AUTS2: variants seen among roughly 807,000 people sequenced by gnomAD.
AUTS2 encodes the protein activator of transcription and developmental regulator AUTS2.
A neutral mutation model predicts 112.4 loss-of-function variants in AUTS2; 17 were observed. The observed-to-expected ratio is 0.15, with a 90% CI of 0.10 to 0.23. AUTS2 has a LOEUF of 0.23. AUTS2 is among the 10% of genes least tolerant of loss of function. AUTS2 has a pLI of 1.00. For missense variants in AUTS2, 1,510 were observed against 1,701.6 expected (o/e 0.89, Z 1.98); for synonymous variants, 751 against 702.7 (o/e 1.07, Z -1.09).
chr7:69,766,806 C>T (rs1788441005), intron 1 of AUTS2, among the ~76,000 whole-genome samples: 1 of 152,238 alleles, frequency 6.6e-6, no homozygotes, highest in East Asian at 1.9e-4. Flanking sequence ...AAATGCTCAT[C>T]AGCTGGTGCC....
rs113675997 is a variant in AUTS2 at position 69,627,104 on chromosome 7, A to G, written c.309+27142A>G. On this transcript the variant is annotated intron_variant, in intron 1 of 18. Coordinates refer to ENST00000342771, the MANE Select transcript of AUTS2 (RefSeq NM_015570.4). ...TTCATTCGTCACTTTCTTGAGCACC[A>G]ACATTATGTTTAGAAGGAATGGGTT... is the stretch of plus-strand genomic sequence containing the variant. Among the ~76,000 whole-genome samples the G allele has an allele frequency of 4.0e-4, 61 of 152,342 alleles. 3 individuals carry two copies. Among genetic ancestry groups the G allele is most frequent in the African/African-American group, 1.4e-3 (57 of 41,578 alleles).
intron 5 of AUTS2, among the ~76,000 whole-genome samples, chr7:70,697,946 T>G (rs1809218193): frequency 1.3e-5 from 2 of 152,174 alleles, no homozygotes; most frequent in Middle Eastern, 3.2e-3. Flanking sequence ...TTAGCAGACA[T>G]GTTCTCTAGA....
intron 4 of AUTS2, among the ~76,000 whole-genome samples, chr7:70,163,350 G>A (rs896808358): frequency 1.9e-5 from 2 of 103,742 alleles, no homozygotes; most frequent in East Asian, 2.6e-4. Flanking sequence ...GTGGTGGGGG[G>A]GGGGGGGGCA....
intron 1 of AUTS2, among the ~76,000 whole-genome samples, chr7:69,625,104 C>T (rs2129096126): frequency 6.6e-6 from 1 of 152,262 alleles, no homozygotes; most frequent in Admixed American, 6.5e-5. Flanking sequence ...AATAGGAGAG[C>T]CCGAATGATT....
intron 1 of AUTS2, among the ~76,000 whole-genome samples, chr7:69,749,211 TC>T (rs2129264539): frequency 6.6e-6 from 1 of 152,230 alleles, no homozygotes; most frequent in African/African-American, 2.4e-5. Flanking sequence ...TATACAGACT[TC>T]TATTCCTTTG....
At chr7:70,013,848 G>T (rs1799911048) in intron 2 of AUTS2, among the ~76,000 whole-genome samples, 1 of 152,126 alleles carries the variant, frequency 6.6e-6, no homozygotes, top group South Asian at 2.1e-4. Flanking sequence ...CTCCCAAGTA[G>T]CTGGGACTAC....
rs1792059113 is a variant in AUTS2, at chr7:70,792,840, C to G, written c.*1844C>G. 2 of 152,610 alleles carry G rather than the reference C, an allele frequency of 1.3e-5. No homozygotes were observed. Among genetic ancestry groups the G allele is most frequent in the South Asian group, 4.1e-4 (2 of 4,820 alleles). The allele number at this position is 152,610 out of a possible 1,614,324, so 9.5% of individuals were successfully genotyped here. On this transcript the variant is annotated 3_prime_UTR_variant, in exon 19 of 19. Transcript: ENST00000342771. ...GCGGAGCCTTCTTGTGTAATGTAAA[C>G]TGTGCCATGTTATTAAAAAATGTGA...
chr7:70,278,022 G>A (rs1265102611), intron 4 of AUTS2, among the ~76,000 whole-genome samples: 1 of 151,650 alleles, frequency 6.6e-6, no homozygotes, highest in Non-Finnish European at 1.5e-5. Context: ...TAGGCATTTG[G>A]AGAAGTTTTG....
intron 1 of AUTS2, among the ~76,000 whole-genome samples, chr7:69,764,705 A>G (rs1788345783): frequency 6.6e-6 from 1 of 152,192 alleles, no homozygotes. Flanking sequence ...GCATGCAGAA[A>G]ATTGCACTTC....
At chr7:69,796,012 T>G (rs2129331377) in intron 1 of AUTS2, among the ~76,000 whole-genome samples, 1 of 152,344 alleles carries the variant, frequency 6.6e-6, no homozygotes, top group South Asian at 2.1e-4. Context: ...AGCTATAAAT[T>G]TTCAAACACT....
intron 1 of AUTS2, among the ~76,000 whole-genome samples, chr7:69,810,144 C>T (rs557121989): frequency 2.0e-5 from 3 of 152,198 alleles, no homozygotes; most frequent in Non-Finnish European, 4.4e-5. Flanking sequence ...TCGTGCCTCC[C>T]ACCATGCCCA....
Position 70,790,933 on chromosome 7 carries a change from T to A in AUTS2, c.3717T>A (p.Pro1239=). ...CGGTCTCTCCCAGAAGGACGACTCC[T>A]CTGTCCGCAGAGATAAGGGAGAGGC... is the stretch of plus-strand genomic sequence containing the variant. The part of the protein sequence containing the change: ...GRPVSPRRTT[P]LSAEIRERPP... Residue 1239 remains proline, a synonymous_variant, in exon 19 of 19, where the codon CCT becomes CCA. Coordinates refer to ENST00000342771, the MANE Select transcript of AUTS2 (RefSeq NM_015570.4). The surrounding 1 kb of genome is among the most constrained non-coding windows in gnomAD (Gnocchi z 7.6). 6.4e-7 allele frequency: 1 copy of A among 1,551,274 alleles called. No individual in the cohort carries two copies. The highest frequency in any genetic ancestry group is 8.7e-7 in the Non-Finnish European group (1 of 1,150,004).
intron 1 of AUTS2, among the ~76,000 whole-genome samples, chr7:69,878,769 T>C (rs1793913599): frequency 6.6e-6 from 1 of 152,212 alleles, no homozygotes; most frequent in Admixed American, 6.5e-5. Flanking sequence ...GCCACGATAC[T>C]AATTTACCCT....
chr7:70,790,068 G>C lies in AUTS2; in HGVS notation c.2852G>C (p.Ser951Thr). The stretch of plus-strand genomic sequence containing the variant: ...TACGTGCGGACCCCGGTGGTGGAGA[G>C]TGCCAGGCCCAACAGCACCTCGAGC... ...SPYVRTPVVE[S>T]ARPNSTSSRE... Residue 951 changes from serine to threonine, a missense_variant, in exon 19 of 19, where the codon AGT becomes ACT. This residue lies in a region of AUTS2 where 788 missense variants were observed against 797.6 expected (regional missense o/e 0.99). Transcript: ENST00000342771. The surrounding 1 kb of genome is among the most constrained non-coding windows in gnomAD (Gnocchi z 7.6). The C allele has an allele frequency of 6.3e-7, 1 of 1,577,642 alleles. No individual in the cohort carries two copies. The highest frequency in any genetic ancestry group is 1.2e-5 in the South Asian group (1 of 86,916).
At chr7:70,016,631 G>A (rs1280170236) in intron 2 of AUTS2, among the ~76,000 whole-genome samples, 1 of 151,658 alleles carries the variant, frequency 6.6e-6, no homozygotes, top group Non-Finnish European at 1.5e-5. Flanking sequence ...AGTCCACCAT[G>A]GAGAGAAAGG....
At chr7:70,358,642 G>A (rs1792117866) in intron 4 of AUTS2, among the ~76,000 whole-genome samples, 1 of 152,202 alleles carries the variant, frequency 6.6e-6, no homozygotes, top group Non-Finnish European at 1.5e-5. Flanking sequence ...TCCTTGGTGT[G>A]CACCACATGG....
intron 1 of AUTS2, among the ~76,000 whole-genome samples, chr7:69,703,924 A>G (rs1382953860): frequency 6.6e-6 from 1 of 152,198 alleles, no homozygotes; most frequent in Non-Finnish European, 1.5e-5. Flanking sequence ...TAACCTGGCT[A>G]GTTAATTTAA....
chr7:69,605,814 T>A (rs938185785), intron 1 of AUTS2, among the ~76,000 whole-genome samples: 1 of 152,172 alleles, frequency 6.6e-6, no homozygotes, highest in African/African-American at 2.4e-5. Flanking sequence ...CTTCTGAAAG[T>A]ATGCATAGCT....
At chr7:70,452,705 T>C (rs1324162702) in intron 5 of AUTS2, among the ~76,000 whole-genome samples, 4 of 152,068 alleles carry the variant, frequency 2.6e-5, no homozygotes, top group African/African-American at 4.8e-5. Context: ...AACATGGCCA[T>C]GTCATCAGTC....
Sources: allele counts gnomAD v4.1 joint callset (sites outside exome capture counted in the v4.1 genomes callset), GRCh38; gene constraint gnomAD v4.1.1; regional missense constraint gnomAD v4.1.1; non-coding constraint Gnocchi (gnomAD v3.1); transcripts MANE v1.5; gene names NCBI Gene and HGNC (gene_info 2026-07-23, HGNC 2026-07-21).